KHDRBS3: variants seen among roughly 807,000 people sequenced by gnomAD.
The protein encoded by KHDRBS3 is KH domain-containing, RNA-binding, signal transduction-associated protein 3.
A neutral mutation model predicts 45.6 loss-of-function variants in KHDRBS3; 23 were observed. The ratio of observed to expected loss-of-function variants is 0.50; its 90% CI spans 0.36 to 0.72. The LOEUF (loss-of-function observed/expected upper bound fraction) is 0.72. KHDRBS3 is among the 30% of genes least tolerant of loss of function. KHDRBS3 has a pLI of 0.00. For synonymous variants in KHDRBS3, 162 were observed against 156.5 expected (o/e 1.04, Z -0.26); for missense variants, 352 against 424.8 (o/e 0.83, Z 1.51).
intron 4 of KHDRBS3, among the ~76,000 whole-genome samples, chr8:135,556,228 TATA>T (rs1252405532): frequency 1.3e-5 from 2 of 152,238 alleles, no homozygotes; most frequent in Non-Finnish European, 2.9e-5. Flanking sequence ...TAGAATGATT[TATA>T]ATCCTCTGGG....
rs138833578 is a variant in KHDRBS3 at position 135,538,134 on chromosome 8, G to T, written c.208-4520G>T. Among the ~76,000 whole-genome samples, 4 of 152,242 alleles carry T rather than the reference G, an allele frequency of 2.6e-5. No homozygotes were observed. In the East Asian group the frequency reaches 5.8e-4, roughly 22 times the overall value. On this transcript the variant is annotated intron_variant, in intron 2 of 8. Coordinates refer to ENST00000355849, the MANE Select transcript of KHDRBS3 (RefSeq NM_006558.3). ...ACGGTGTGGGGCAGTGCGATGAATG[G>T]GTGGTAGTGGCAGGATGGGACAGTG...
chr8:135,493,561 T>A (rs1163403088), intron 1 of KHDRBS3, among the ~76,000 whole-genome samples: 2 of 152,200 alleles, frequency 1.3e-5, no homozygotes, highest in Non-Finnish European at 2.9e-5. Flanking sequence ...GATATAGTTT[T>A]ATTGGTCTGT....
chr8:135,653,010 GT>G (rs1163471292), intron 4 of KHDRBS3, among the ~76,000 whole-genome samples: 1 of 152,144 alleles, frequency 6.6e-6, no homozygotes, highest in Admixed American at 6.5e-5. Context: ...AACTTACCAG[GT>G]TATTAAGTTC....
At chr8:135,630,738 C>T (rs150996470) in intron 7 of KHDRBS3, among the ~76,000 whole-genome samples, 1 of 152,004 alleles carries the variant, frequency 6.6e-6, no homozygotes. Flanking sequence ...TGTATCTAAA[C>T]GTATCTAAAC....
chr8:135,646,523 C>A (rs985578737), intron 8 of KHDRBS3, among the ~76,000 whole-genome samples: 2 of 152,128 alleles, frequency 1.3e-5, no homozygotes, highest in Non-Finnish European at 2.9e-5. Context: ...TCAGTCTGCC[C>A]CTTCCCGTTT....
chr8:135,564,433 C>G (rs1827305524), intron 5 of KHDRBS3, among the ~76,000 whole-genome samples: 1 of 152,108 alleles, frequency 6.6e-6, no homozygotes, highest in Non-Finnish European at 1.5e-5. Context: ...TATTATTTTT[C>G]AAACAGCTGC....
intron 3 of KHDRBS3, among the ~76,000 whole-genome samples, chr8:135,544,206 C>G (rs1826179838): frequency 6.6e-6 from 1 of 152,104 alleles, no homozygotes; most frequent in Non-Finnish European, 1.5e-5. Flanking sequence ...ATTCCACTGT[C>G]CCACTTATTT....
intron 1 of KHDRBS3, among the ~76,000 whole-genome samples, chr8:135,482,448 A>G (rs547947089): frequency 9.9e-5 from 15 of 152,218 alleles, no homozygotes; most frequent in African/African-American, 3.4e-4. Context: ...GGGTAGAATG[A>G]GCTCTTGGTT....
intron 7 of KHDRBS3, 22 bp from the exon 8 acceptor site, chr8:135,645,037 G>GTT: frequency 1.2e-6 from 2 of 1,611,104 alleles, no homozygotes; most frequent in Non-Finnish European, 1.7e-6. Context: ...TTTGTCCTTT[G>GTT]TTTTGTTTTG....
chr8:135,462,835 A>T (rs1821498736), intron 1 of KHDRBS3, among the ~76,000 whole-genome samples: 1 of 152,198 alleles, frequency 6.6e-6, no homozygotes, highest in Non-Finnish European at 1.5e-5. Flanking sequence ...ACTCTCAGTA[A>T]CACTGAGAGT....
chr8:135,495,188 G>A (rs1823372268), intron 1 of KHDRBS3, among the ~76,000 whole-genome samples: 1 of 152,088 alleles, frequency 6.6e-6, no homozygotes, highest in African/African-American at 2.4e-5. Context: ...GCTTTCTTTT[G>A]TAGCTGCCAC....
At chr8:135,511,848 G>A (rs535288521) in intron 1 of KHDRBS3, among the ~76,000 whole-genome samples, 10 of 152,252 alleles carry the variant, frequency 6.6e-5, no homozygotes, top group South Asian at 4.1e-4. Context: ...GTGAGCCACC[G>A]CACCCAGCCC....
chr8:135,530,165 T>C (rs4909291), intron 2 of KHDRBS3, among the ~76,000 whole-genome samples: 84,140 of 152,084 alleles, frequency 0.55, 24,401 homozygotes, highest in East Asian at 0.78. Context: ...TATATCTCTA[T>C]GTCTATTGCT....
At chr8:135,651,478 A>G (rs1305345784), downstream of KHDRBS3, among the ~76,000 whole-genome samples, 1 of 152,154 alleles carries the variant, frequency 6.6e-6, no homozygotes, top group Non-Finnish European at 1.5e-5. Flanking sequence ...AGATAATTAG[A>G]GAAAGTAAGA....
At chr8:135,472,897 C>T (rs1197702195) in intron 1 of KHDRBS3, among the ~76,000 whole-genome samples, 1 of 152,220 alleles carries the variant, frequency 6.6e-6, no homozygotes, top group East Asian at 1.9e-4. Flanking sequence ...GGGGAGGGAT[C>T]CTTGTGGCTC....
chr8:135,630,480 T>TG (rs780879957), intron 7 of KHDRBS3, among the ~76,000 whole-genome samples: 2 of 141,650 alleles, frequency 1.4e-5, no homozygotes, highest in Non-Finnish European at 3.0e-5. Flanking sequence ...GTTATAAAGT[T>TG]TAATGTATGT....
chr8:135,641,184 A>G (rs1831042775), intron 7 of KHDRBS3, among the ~76,000 whole-genome samples: 1 of 152,176 alleles, frequency 6.6e-6, no homozygotes, highest in Non-Finnish European at 1.5e-5. Context: ...CATTTTTATT[A>G]TGCTGAACTG....
chr8:135,489,174 C>T (rs917489268), intron 1 of KHDRBS3, among the ~76,000 whole-genome samples: 2 of 152,046 alleles, frequency 1.3e-5, no homozygotes, highest in African/African-American at 4.8e-5. Context: ...CTGTCCAATG[C>T]CTTCCCCAAC....
intron 1 of KHDRBS3, among the ~76,000 whole-genome samples, chr8:135,516,868 CTG>C (rs1409476243): frequency 6.6e-6 from 1 of 152,010 alleles, no homozygotes; most frequent in Non-Finnish European, 1.5e-5. Flanking sequence ...GAAAAATAAT[CTG>C]TGTGTTTGAT....
Sources: gnomAD v4.1 joint callset for allele counts (sites outside exome capture counted in the v4.1 genomes callset) on GRCh38, gnomAD v4.1.1 for gene constraint, MANE v1.5 for transcripts, NCBI Gene and HGNC (gene_info 2026-07-23, HGNC 2026-07-21) for gene names.